Variants in AMBN observed in about 807,000 individuals in gnomAD.
The protein encoded by AMBN is ameloblastin.
Under a neutral mutation model 48.0 loss-of-function variants are expected in AMBN, and 54 were observed. The ratio of observed to expected loss-of-function variants is 1.12; its 90% CI spans 0.90 to 1.41. The LOEUF is 1.41. Among genes scored for constraint, AMBN ranks in the 40% most tolerant of loss-of-function variants. The probability of loss-of-function intolerance (pLI) is 0.00; values close to 1 mark genes in which losing one functional copy is unlikely to be tolerated. For synonymous variants in AMBN, 186 were observed against 190.0 expected (o/e 0.98, Z 0.17); for missense variants, 571 against 547.3 (o/e 1.04, Z -0.43).
chr4:70,595,231 G>C (rs529364577), intron 2 of AMBN, among the ~76,000 whole-genome samples: 101 of 134,170 alleles, frequency 7.5e-4, no homozygotes, highest in African/African-American at 2.6e-3. Flanking sequence ...TCTGTTGCCC[G>C]GGCTGGAGTG....
chr4:70,601,330 G>A, intron 5 of AMBN, 88 bp from the exon 6 acceptor site: 1 of 1,314,950 alleles, frequency 7.6e-7, no homozygotes, highest in Non-Finnish European at 1.1e-6. Context: ...CAGATAGAAA[G>A]CGCCCCAAGC....
In AMBN at chr4:70,603,864, TCTTTTTGAA is replaced by T; in HGVS notation, c.754-11_754-3del. On this transcript the variant is annotated splice_polypyrimidine_tract_variant and splice_region_variant and intron_variant, in intron 11 of 12. Transcript: ENST00000322937. ...CTGGTTCGTAATTTGACGCAATATT[TCTTTTTGAA>T]CAGAATGCCCCTGCCAGACTTGGCA... 6.2e-7 allele frequency: 1 copy of T among 1,613,944 alleles called. No homozygotes were observed. Among genetic ancestry groups the T allele is most frequent in the Non-Finnish European group, 8.5e-7 (1 of 1,179,934 alleles).
At chr4:70,599,206 G>A (rs375496198) in intron 4 of AMBN, among the ~76,000 whole-genome samples, 1 of 152,032 alleles carries the variant, frequency 6.6e-6, no homozygotes, top group South Asian at 2.1e-4. Flanking sequence ...ATTTTGGGAG[G>A]CCAAGGTGGG....
At chr4:70,593,182 A>ATG in intron 1 of AMBN, 145 bp from the exon 2 acceptor site, 1 of 570,656 alleles carries the variant, frequency 1.8e-6, no homozygotes, top group South Asian at 2.3e-5. Flanking sequence ...GTTTAGTAAC[A>ATG]TTTAGTTTTT....
At position 70,594,710 on chromosome 4, in the gene AMBN, T is replaced by C. The variant is rs901975707; in HGVS notation, c.84+1315T>C. On this transcript the variant is annotated intron_variant, in intron 2 of 12. Coordinates refer to ENST00000322937, the MANE Select transcript of AMBN (RefSeq NM_016519.6). ...AAAAATTGAGGGTGCCACCCTAGCTTACCTTTATATGATACTGACGTTGGG... is the reference window on the plus strand; with the variant it reads ...AAAAATTGAGGGTGCCACCCTAGCTCACCTTTATATGATACTGACGTTGGG... Among the ~76,000 whole-genome samples the C allele has an allele frequency of 2.0e-5, 3 of 152,180 alleles. No homozygotes were observed. The East Asian group carries it at 5.8e-4, about 29-fold the overall frequency.
chr4:70,601,324 T>C (rs1255936956), intron 5 of AMBN, 94 bp from the exon 6 acceptor site: 7 of 1,257,646 alleles, frequency 5.6e-6, no homozygotes, highest in African/African-American at 3.0e-5. Context: ...CCCTTCCAGA[T>C]AGAAAGCGCC....
chr4:70,602,679 A>G lies in AMBN; in HGVS notation c.570+17A>G, dbSNP rs35859385. The stretch of plus-strand genomic sequence containing the variant: ...GGTCCATCAGTAAGTACAGATCTCA[A>G]TGAGACACTTTCTGTATTTTATTTT... On this transcript the variant is annotated intron_variant, in intron 7 of 12. Coordinates refer to ENST00000322937, the MANE Select transcript of AMBN (RefSeq NM_016519.6). The G allele has an allele frequency of 0.19, 291,253 of 1,526,848 alleles. 34,608 individuals carry two copies. Among genetic ancestry groups the G allele is most frequent in the Non-Finnish European group, 0.22 (250,352 of 1,118,450 alleles). The allele number at this position is 1,526,848 out of a possible 1,614,324, so 94.6% of individuals were successfully genotyped here.
intron 7 of AMBN, 44 bp downstream of exon 7, chr4:70,602,706 T>A: frequency 6.6e-7 from 1 of 1,524,046 alleles, no homozygotes; most frequent in East Asian, 2.3e-5. Context: ...TTTTATTTTT[T>A]AATTTTTATT....
Position 70,601,454 on chromosome 4 carries a change from C to T in AMBN, c.331C>T (p.Pro111Ser). The T allele has an allele frequency of 1.9e-6, 3 of 1,614,208 alleles. No individual in the cohort carries two copies. The highest frequency in any genetic ancestry group is 2.5e-6 in the Non-Finnish European group (3 of 1,180,006). The change falls in exon 6 of 13, where the codon CCA becomes TCA. Residue 111 changes from proline to serine, a missense_variant. Transcript: ENST00000322937. ...TTTGCCTGTGCATCCCCCACCTCTC[C>T]CATCACAGCCATCCTTGAAGCCTCA... ...YSLPVHPPPL[P>S]SQPSLKPQQP... is the part of the protein sequence containing the mutation.
At chr4:70,600,606 A>G (rs578051558) in intron 5 of AMBN, among the ~76,000 whole-genome samples, 8 of 152,168 alleles carry the variant, frequency 5.3e-5, no homozygotes, top group Non-Finnish European at 1.0e-4. Flanking sequence ...CAGAGCCCCA[A>G]ATTGTTGCGA....
intron 9 of AMBN, 107 bp downstream of exon 9, chr4:70,603,117 T>A: frequency 1.4e-6 from 2 of 1,394,450 alleles, no homozygotes; most frequent in Non-Finnish European, 2.0e-6. Context: ...ATATGAAGTA[T>A]AATGGGTTCC....
intron 9 of AMBN, 66 bp from the exon 10 acceptor site, chr4:70,603,194 C>T: frequency 6.6e-7 from 1 of 1,508,492 alleles, no homozygotes; most frequent in Non-Finnish European, 9.1e-7. Flanking sequence ...TTTCATATAC[C>T]TCAAAAATTA....
rs1261959531 is a variant in AMBN at position 70,593,393 on chromosome 4, C to T, written c.82C>T (p.Pro28Ser). The T allele has an allele frequency of 6.2e-7, 1 of 1,610,258 alleles. No homozygotes were observed. The highest frequency in any genetic ancestry group is 1.1e-5 in the South Asian group (1 of 90,908). Reference sequence around the variant, plus strand: ...CCTCCTGGAAATGAGTTTTGCAGTGCCGGTAAGTCAGTCTTTAGAGTGTGT... The same window carrying T: ...CCTCCTGGAAATGAGTTTTGCAGTGTCGGTAAGTCAGTCTTTAGAGTGTGT... ...LCLLEMSFAV[P>S]FFPQQSGTPG... Residue 28 changes from proline to serine, a missense_variant and splice_region_variant, in exon 2 of 13, where the codon CCG (proline) becomes TCG (serine). Transcript: ENST00000322937.
chr4:70,594,871 T>A (rs901613515), intron 2 of AMBN, among the ~76,000 whole-genome samples: 3 of 152,206 alleles, frequency 2.0e-5, no homozygotes, highest in Admixed American at 6.5e-5. Context: ...GCCTGTCAAA[T>A]CAGATGTTCT....
chr4:70,605,761 A>G (rs1435746155), intron 12 of AMBN, among the ~76,000 whole-genome samples: 3 of 151,380 alleles, frequency 2.0e-5, no homozygotes, highest in Non-Finnish European at 2.9e-5. Context: ...CCCCTAAAAG[A>G]AAAAAAAAGT....
In AMBN at chr4:70,601,644, C is replaced by G; in HGVS notation, c.521C>G (p.Pro174Arg). ...CAGGTGGCACCATCAGATAAGCCAC[C>G]AAAGCCTGAGGTACTTCCTTTCTCT... The part of the protein sequence containing the change: ...QQQVAPSDKP[P>R]KPELPGVDFA... The change falls in exon 6 of 13, where the codon CCA (proline) becomes CGA (arginine). Residue 174 changes from proline (P) to arginine (R), a missense_variant. Transcript: ENST00000322937. 1 of 1,613,916 alleles carries G rather than the reference C, an allele frequency of 6.2e-7. No homozygotes were observed. Among genetic ancestry groups the G allele is most frequent in the Non-Finnish European group, 8.5e-7 (1 of 1,179,860 alleles).
At chr4:70,594,213 C>T (rs996837892) in intron 2 of AMBN, among the ~76,000 whole-genome samples, 6 of 152,180 alleles carry the variant, frequency 3.9e-5, no homozygotes, top group Non-Finnish European at 5.9e-5. Flanking sequence ...GCTGAAGTTT[C>T]ATAAATCAAA....
In AMBN at chr4:70,597,088, T is replaced by A. The variant is rs1361497189; in HGVS notation, c.135+39T>A. On this transcript the variant is annotated intron_variant, in intron 3 of 12. Transcript: ENST00000322937. ...GAATTTTTAACATATTAACTTTACA[T>A]TGGTATATTTGTGGTACAGGAGAAA... 3 of 1,553,778 alleles carry A rather than the reference T, an allele frequency of 1.9e-6. No homozygotes were observed. The South Asian group carries it at 3.4e-5, about 17-fold the overall frequency.
intron 5 of AMBN, 56 bp from the exon 6 acceptor site, chr4:70,601,362 G>T: frequency 6.4e-7 from 1 of 1,555,470 alleles, no homozygotes; most frequent in Non-Finnish European, 8.8e-7. Flanking sequence ...GAAATTCTAG[G>T]CACCGTTGTT....
Sources: allele counts gnomAD v4.1 joint callset (sites outside exome capture counted in the v4.1 genomes callset), GRCh38; gene constraint gnomAD v4.1.1; transcripts MANE v1.5; gene names NCBI Gene and HGNC (gene_info 2026-07-23, HGNC 2026-07-21).